Variants in IL1RAPL1 observed in about 807,000 individuals in gnomAD.
IL1RAPL1 encodes the protein interleukin-1 receptor accessory protein-like 1.
In IL1RAPL1, 3 loss-of-function variants were observed where a neutral mutation model predicts 48.4. The observed-to-expected ratio is 0.06, with a 90% CI of 0.03 to 0.16. The LOEUF is 0.16. Among genes scored for constraint, IL1RAPL1 ranks in the 10% least tolerant of loss-of-function variants. IL1RAPL1 has a pLI of 1.00. For synonymous variants in IL1RAPL1, 185 were observed against 187.7 expected (o/e 0.99, Z 0.12); for missense variants, 349 against 530.6 (o/e 0.66, Z 3.36).
Position 28,709,011 on chromosome X carries a change from T to C in IL1RAPL1, c.-24-80309T>C, listed in dbSNP as rs1213134145. ...AAAATTTTACATGTACCCCCATACA[T>C]TTGTGCAAAAAAAGTCCTTAAGGCA... On this transcript the variant is annotated intron_variant, in intron 1 of 10. Transcript: ENST00000378993. 4.5e-5 allele frequency among the ~76,000 whole-genome samples: 5 copies of C among 111,857 alleles called. No homozygotes were observed. In the East Asian group the frequency reaches 1.4e-3, roughly 32 times the overall value.
intron 2 of IL1RAPL1, among the ~76,000 whole-genome samples, chrX:29,077,625 A>G (rs901628700): frequency 2.2e-4 from 24 of 107,553 alleles, no homozygotes; most frequent in African/African-American, 8.0e-4. Context: ...AAAAAAAAGA[A>G]AAAGAAAACC....
intron 1 of IL1RAPL1, among the ~76,000 whole-genome samples, chrX:28,621,361 T>G (rs1040731818): frequency 2.7e-5 from 3 of 111,715 alleles, no homozygotes; most frequent in Non-Finnish European, 5.6e-5. Context: ...CTTTTTTTAC[T>G]GAAAATTTCA....
chrX:29,792,192 A>C (rs1464205782), intron 6 of IL1RAPL1, among the ~76,000 whole-genome samples: 1 of 111,783 alleles, frequency 8.9e-6, no homozygotes, highest in Non-Finnish European at 1.9e-5. Flanking sequence ...TAAAATATTC[A>C]ACAGTTCAGG....
intron 2 of IL1RAPL1, among the ~76,000 whole-genome samples, chrX:28,913,924 C>G (rs1923423335): frequency 9.0e-6 from 1 of 110,850 alleles, no homozygotes; most frequent in African/African-American, 3.3e-5. Flanking sequence ...TTTAGGTACT[C>G]CTGTGAGCAT....
chrX:28,682,066 C>T (rs768182803), intron 1 of IL1RAPL1, among the ~76,000 whole-genome samples: 1 of 110,343 alleles, frequency 9.1e-6, no homozygotes, highest in Non-Finnish European at 1.9e-5. Context: ...TCGTGTCTGG[C>T]TTCTTTCACC....
chrX:28,850,391 A>G (rs765077045), intron 2 of IL1RAPL1, among the ~76,000 whole-genome samples: 178 of 110,113 alleles, frequency 1.6e-3, no homozygotes, highest in African/African-American at 5.7e-3. Flanking sequence ...AGCTGCTTCT[A>G]GTCAGTGACA....
intron 9 of IL1RAPL1, among the ~76,000 whole-genome samples, chrX:29,948,501 A>T (rs1933253149): frequency 8.9e-6 from 1 of 112,003 alleles, no homozygotes; most frequent in Non-Finnish European, 1.9e-5. Context: ...TCAAAGATAT[A>T]TGATCTCTGA....
intron 5 of IL1RAPL1, among the ~76,000 whole-genome samples, chrX:29,633,389 T>G (rs1355074274): frequency 3.6e-5 from 4 of 110,316 alleles, no homozygotes; most frequent in African/African-American, 9.9e-5. Context: ...TCTGGCATGT[T>G]GATCTAATGT....
intron 3 of IL1RAPL1, among the ~76,000 whole-genome samples, chrX:29,386,445 C>T (rs1411678411): frequency 9.0e-6 from 1 of 111,611 alleles, no homozygotes; most frequent in African/African-American, 3.3e-5. Flanking sequence ...ATATAAACTC[C>T]ATAAAATCAA....
chrX:29,335,278 AGGGGAGAGGGGAGAGGGGAGAGGGGAGAG>A lies in IL1RAPL1; in HGVS notation c.362+52065_362+52093del, dbSNP rs1221224805. Among the ~76,000 whole-genome samples, 6 of 2,775 alleles carry A rather than the reference AGGGGAGAGGGGAGAGGGGAGAGGGGAGAG, an allele frequency of 2.2e-3. 1 individual carries two copies. The highest frequency in any genetic ancestry group is 3.7e-3 in the African/African-American group (6 of 1,635). 2.4% of individuals were successfully genotyped at this position (2,775 alleles called of 115,157 possible). On this transcript the variant is annotated intron_variant, in intron 3 of 10. Transcript: ENST00000378993. ...GAGGGAGACGGAGACGGAGACGGAGAGGGGAGAGGGGAGAGGGGAGAGGGGAGAGGGGAGAGGGGAGAGGGGAGAGGGGA... is the reference window on the plus strand; with the variant it reads ...GAGGGAGACGGAGACGGAGACGGAGAGGGAGAGGGGAGAGGGGAGAGGGGA...
chrX:28,723,170 T>A (rs1481466859), intron 1 of IL1RAPL1, among the ~76,000 whole-genome samples: 1 of 111,289 alleles, frequency 9.0e-6, no homozygotes, highest in African/African-American at 3.3e-5. Context: ...AAGGTATGGT[T>A]CCATCTCCTC....
chrX:29,284,388 A>C (rs980964030), intron 3 of IL1RAPL1, among the ~76,000 whole-genome samples: 1 of 112,591 alleles, frequency 8.9e-6, no homozygotes, highest in African/African-American at 3.2e-5. Context: ...ATGTTGGAAA[A>C]TATAAATGAA....
chrX:29,837,470 C>A (rs990217193), intron 6 of IL1RAPL1, among the ~76,000 whole-genome samples: 3 of 108,789 alleles, frequency 2.8e-5, no homozygotes, highest in African/African-American at 1.0e-4. Context: ...CAACATTACC[C>A]CATTTTGTAA....
At chrX:28,924,338 A>G (rs1478802803) in intron 2 of IL1RAPL1, among the ~76,000 whole-genome samples, 3 of 112,196 alleles carry the variant, frequency 2.7e-5, no homozygotes, top group Non-Finnish European at 5.6e-5. Context: ...ATTACATGCA[A>G]TAATAGCTTA....
chrX:29,401,460 G>A (rs892518818), intron 5 of IL1RAPL1, among the ~76,000 whole-genome samples: 3 of 111,212 alleles, frequency 2.7e-5, no homozygotes, highest in African/African-American at 6.5e-5. Flanking sequence ...ACACTATAGC[G>A]CATTTACTGT....
At chrX:28,662,584 G>T (rs998589936) in intron 1 of IL1RAPL1, among the ~76,000 whole-genome samples, 2 of 111,487 alleles carry the variant, frequency 1.8e-5, no homozygotes, top group African/African-American at 6.5e-5. Context: ...CCTGGGAGAG[G>T]ATAAAGATGT....
intron 5 of IL1RAPL1, among the ~76,000 whole-genome samples, chrX:29,589,888 G>A (rs1188067623): frequency 1.8e-5 from 2 of 110,922 alleles, no homozygotes; most frequent in South Asian, 3.9e-4. Context: ...GCATCTGCTC[G>A]GCTTCTGGGG....
intron 1 of IL1RAPL1, among the ~76,000 whole-genome samples, chrX:28,746,693 G>C (rs1935982763): frequency 9.0e-6 from 1 of 111,712 alleles, no homozygotes; most frequent in Non-Finnish European, 1.9e-5. Flanking sequence ...CAATATCCGT[G>C]TAAGAAGAGC....
At chrX:28,678,130 C>T (rs929673990) in intron 1 of IL1RAPL1, among the ~76,000 whole-genome samples, 1 of 111,706 alleles carries the variant, frequency 9.0e-6, no homozygotes, top group Non-Finnish European at 1.9e-5. Context: ...AATAAGCCAT[C>T]TTAGTTTTTT....
Sources: allele counts gnomAD v4.1 joint callset (sites outside exome capture counted in the v4.1 genomes callset), GRCh38; gene constraint gnomAD v4.1.1; transcripts MANE v1.5; gene names NCBI Gene and HGNC (gene_info 2026-07-23, HGNC 2026-07-21).